SWT1: variants seen among roughly 807,000 people sequenced by gnomAD.
The protein encoded by SWT1 is transcriptional protein SWT1.
A neutral mutation model predicts 107.3 loss-of-function variants in SWT1; 33 were observed. That is an observed-to-expected ratio of 0.31 (90% CI 0.23 to 0.41). SWT1 has a LOEUF of 0.41. Ranked by LOEUF, SWT1 falls within the 10% of genes least tolerant of loss-of-function variation. The pLI is 1.00. For missense variants in SWT1, 898 were observed against 1,028.9 expected, an observed-to-expected ratio of 0.87 and a Z score of 1.74; for synonymous variants, 345 against 348.3, an observed-to-expected ratio of 0.99 and a Z score of 0.11.
intron 16 of SWT1, among the ~76,000 whole-genome samples, chr1:185,232,910 T>C (rs563251172): frequency 6.6e-6 from 1 of 152,138 alleles, no homozygotes; most frequent in Non-Finnish European, 1.5e-5. Context: ...TAGTCTGGGG[T>C]GTGCCTGGCA....
Position 185,204,790 on chromosome 1 carries a change from A to G in SWT1, c.1760A>G (p.Lys587Arg). 6.3e-7 allele frequency: 1 copy of G among 1,595,802 alleles called. No homozygotes were observed. The highest frequency in any genetic ancestry group is 1.8e-5 in the Admixed American group (1 of 56,612). ...LLESIVSDLE[K>R]SLGTGLSSIL... ...GAGAGCATTGTATCTGATCTTGAAA[A>G]ATCTCTTGGAACAGGTTTATCTTCA... The change falls in exon 12 of 19, where the codon AAA becomes AGA. Residue 587 changes from lysine (K) to arginine (R), a missense_variant. Coordinates refer to ENST00000367500, the MANE Select transcript of SWT1 (RefSeq NM_017673.7).
Position 185,236,252 on chromosome 1 carries a change from C to CAAAAAAT in SWT1, c.2441+4552_2441+4558dup, listed in dbSNP as rs200802634. Among the ~76,000 whole-genome samples the CAAAAAAT allele has an allele frequency of 5.5e-3, 836 of 152,080 alleles. 30 individuals carry two copies. The East Asian group carries it at 0.093, about 17-fold the overall frequency. On this transcript the variant is annotated intron_variant, in intron 16 of 18. Transcript: ENST00000367500. ...CCCACATAGCCAAGACAATCCTAAG[C>CAAAAAAT]AAAAAATAAAAAATCCTAAGCAATC... is the stretch of plus-strand genomic sequence containing the variant.
chr1:185,262,514 C>G (rs192936755), intron 16 of SWT1: 3 of 152,210 alleles, frequency 2.0e-5, no homozygotes, highest in Admixed American at 2.0e-4. Flanking sequence ...TACATGGCTC[C>G]CCAAAGCTGG....
chr1:185,276,539 C>A, intron 17 of SWT1, 65 bp from the exon 18 acceptor site: 1 of 927,110 alleles, frequency 1.1e-6, no homozygotes, highest in South Asian at 1.8e-5. Context: ...ATGGGCTACT[C>A]TAATTTTGCT....
intron 13 of SWT1, among the ~76,000 whole-genome samples, chr1:185,212,132 A>C (rs1350153508): frequency 6.6e-6 from 1 of 152,146 alleles, no homozygotes; most frequent in Non-Finnish European, 1.5e-5. Context: ...GGTGCAGCAC[A>C]CCAACATGGC....
chr1:185,226,548 CAA>C lies in SWT1; in HGVS notation c.2309+4513_2309+4514del, dbSNP rs1293367216. 2.6e-5 allele frequency among the ~76,000 whole-genome samples: 4 copies of C among 152,076 alleles called. No homozygotes were observed. In the East Asian group the frequency reaches 5.8e-4, roughly 22 times the overall value. ...GCCAAATGTTTGAGACTAGCCTGGGCAACACAACAAGACCCTCTCTTTAAAAA... is the reference window on the plus strand; with the variant it reads ...GCCAAATGTTTGAGACTAGCCTGGGCCACAACAAGACCCTCTCTTTAAAAA... On this transcript the variant is annotated intron_variant, in intron 15 of 18. Coordinates refer to ENST00000367500, the MANE Select transcript of SWT1 (RefSeq NM_017673.7).
At chr1:185,197,408 A>G (rs995981937) in intron 10 of SWT1, among the ~76,000 whole-genome samples, 1 of 152,060 alleles carries the variant, frequency 6.6e-6, no homozygotes, top group Non-Finnish European at 1.5e-5. Flanking sequence ...CATCAGGGAT[A>G]TTTGTCTGAA....
intron 15 of SWT1, among the ~76,000 whole-genome samples, chr1:185,225,534 A>G (rs568312410): frequency 1.8e-4 from 27 of 152,292 alleles, no homozygotes; most frequent in African/African-American, 6.3e-4. Flanking sequence ...TGAAGCCATC[A>G]GGTTCCAGAA....
intron 13 of SWT1, among the ~76,000 whole-genome samples, chr1:185,209,303 C>T (rs115758468): frequency 0.035 from 5,394 of 152,034 alleles, 307 homozygotes; most frequent in African/African-American, 0.12. Flanking sequence ...TAGGTATACA[C>T]GTTCCATGGG....
At chr1:185,255,272 G>C (rs1662398636) in intron 16 of SWT1, among the ~76,000 whole-genome samples, 2 of 150,410 alleles carry the variant, frequency 1.3e-5, no homozygotes, top group Non-Finnish European at 3.0e-5. Context: ...TTGGGGTGGA[G>C]AGTTCTGTAG....
chr1:185,179,536 T>G (rs1432440453), intron 5 of SWT1, among the ~76,000 whole-genome samples: 3 of 152,142 alleles, frequency 2.0e-5, no homozygotes, highest in Non-Finnish European at 2.9e-5. Flanking sequence ...TAACTACATA[T>G]AATATAACCG....
chr1:185,252,477 A>G (rs974935551), intron 16 of SWT1, among the ~76,000 whole-genome samples: 1 of 152,196 alleles, frequency 6.6e-6, no homozygotes, highest in Non-Finnish European at 1.5e-5. Context: ...TGCCATTCTA[A>G]CTGGTGTGAG....
chr1:185,184,450 T>C, intron 8 of SWT1, 106 bp downstream of exon 8: 1 of 712,512 alleles, frequency 1.4e-6, no homozygotes, highest in Non-Finnish European at 2.4e-6. Context: ...CATTTAGATA[T>C]GCTATATATT....
At chr1:185,283,360 C>A (rs1558102876) in intron 18 of SWT1, among the ~76,000 whole-genome samples, 2 of 152,288 alleles carry the variant, frequency 1.3e-5, no homozygotes, top group East Asian at 3.9e-4. Context: ...TTACCCTGAG[C>A]AGATGAGGAG....
rs56166198 is a variant in SWT1 at position 185,168,329 on chromosome 1, A to T, written c.166-11A>T. The T allele has an allele frequency of 0.38, 450,152 of 1,187,822 alleles. 95,363 individuals carry two copies. Among genetic ancestry groups the T allele is most frequent in the African/African-American group, 0.74 (44,384 of 59,698 alleles). 73.6% of individuals were successfully genotyped at this position (1,187,822 alleles called of 1,614,324 possible). On this transcript the variant is annotated splice_polypyrimidine_tract_variant and intron_variant, in intron 3 of 18. Transcript: ENST00000367500. Reference sequence around the variant, plus strand: ...TGCACAATTTATGTGTCCTTTTTTTATTTATTTCAGAAATCAGATCATACA... The same window carrying T: ...TGCACAATTTATGTGTCCTTTTTTTTTTTATTTCAGAAATCAGATCATACA...
chr1:185,201,718 C>G (rs1329788573), intron 10 of SWT1, among the ~76,000 whole-genome samples: 1 of 152,164 alleles, frequency 6.6e-6, no homozygotes, highest in African/African-American at 2.4e-5. Flanking sequence ...AGCTGCCAAC[C>G]TAGAGCACTC....
chr1:185,265,572 G>A (rs1468354993), intron 16 of SWT1, among the ~76,000 whole-genome samples: 2 of 152,162 alleles, frequency 1.3e-5, no homozygotes, highest in African/African-American at 2.4e-5. Context: ...GAAGCACAGA[G>A]CTTTGAGCCT....
intron 16 of SWT1, among the ~76,000 whole-genome samples, chr1:185,240,209 A>T (rs1400173993): frequency 1.4e-4 from 21 of 152,084 alleles, no homozygotes; most frequent in Admixed American, 1.4e-3. Flanking sequence ...ACCTTTATAA[A>T]ATAAGGTAGA....
chr1:185,187,838 G>T (rs1394701157), intron 9 of SWT1, among the ~76,000 whole-genome samples: 3 of 152,048 alleles, frequency 2.0e-5, no homozygotes, highest in Non-Finnish European at 4.4e-5. Flanking sequence ...ACAGGCATGT[G>T]CCACCATGCC....
Sources: allele counts gnomAD v4.1 joint callset (sites outside exome capture counted in the v4.1 genomes callset), GRCh38; gene constraint gnomAD v4.1.1; transcripts MANE v1.5; gene names NCBI Gene and HGNC (gene_info 2026-07-23, HGNC 2026-07-21).